ADGRL2: variants seen among roughly 807,000 people sequenced by gnomAD.
The protein encoded by ADGRL2 is calcium-independent alpha-latrotoxin receptor 2.
In ADGRL2, 44 loss-of-function variants were observed where a neutral mutation model predicts 157.4. The ratio of observed to expected loss-of-function variants is 0.28; its 90% CI spans 0.22 to 0.36. The LOEUF (loss-of-function observed/expected upper bound fraction) is 0.36. Ranked by LOEUF, ADGRL2 falls within the 10% of genes least tolerant of loss-of-function variation. The pLI, the probability that ADGRL2 is intolerant of heterozygous loss-of-function variation, is 1.00. For missense variants in ADGRL2, 1,510 were observed against 1,768.9 expected (o/e 0.85, Z 2.63); for synonymous variants, 585 against 624.7 (o/e 0.94, Z 0.95).
intron 3 of ADGRL2, among the ~76,000 whole-genome samples, chr1:81,640,044 T>C (rs1305180889): frequency 6.6e-6 from 1 of 152,200 alleles, no homozygotes; most frequent in Non-Finnish European, 1.5e-5. Context: ...AAGGAACATA[T>C]TTCAAACTCT....
intron 2 of ADGRL2, among the ~76,000 whole-genome samples, chr1:81,882,978 T>G (rs1486216737): frequency 6.6e-6 from 1 of 152,210 alleles, no homozygotes; most frequent in African/African-American, 2.4e-5. Flanking sequence ...GTAGCTATGT[T>G]TTATTGACAG....
At chr1:81,788,459 G>A (rs2087164986) in intron 2 of ADGRL2, among the ~76,000 whole-genome samples, 1 of 152,080 alleles carries the variant, frequency 6.6e-6, no homozygotes, top group Admixed American at 6.5e-5. Flanking sequence ...CACCATAATT[G>A]TAAGCTTCCT....
rs377666964 is a variant in ADGRL2, at chr1:81,969,296, G to A, written c.2642G>A (p.Ser881Asn). Residue 881 changes from serine to asparagine, a missense_variant, in exon 15 of 24, where the codon AGT becomes AAT. This residue lies in a region of ADGRL2 where 497 missense variants were observed against 627.2 expected (regional missense o/e 0.79). Coordinates refer to ENST00000686636, the MANE Select transcript of ADGRL2 (RefSeq NM_001366006.2). Reference protein sequence around the residue: ...FTFCFFRGLQSDRNTIHKNLC... With the variant: ...FTFCFFRGLQNDRNTIHKNLC... ...TTCTGCTTTTTCCGTGGCCTACAGAGTGACCGAAATACTATTCACAAGAAC... is the reference window on the plus strand; with the variant it reads ...TTCTGCTTTTTCCGTGGCCTACAGAATGACCGAAATACTATTCACAAGAAC... 5.0e-6 allele frequency: 8 copies of A among 1,613,858 alleles called. No homozygotes were observed. In the African/African-American group the frequency reaches 9.3e-5, roughly 19 times the overall value.
At chr1:81,311,972 G>T (rs950159789) in intron 1 of ADGRL2, among the ~76,000 whole-genome samples, 2 of 152,082 alleles carry the variant, frequency 1.3e-5, no homozygotes, top group Non-Finnish European at 1.5e-5. Context: ...TTCAGACTTT[G>T]GCATTTTTTA....
chr1:81,479,678 A>T (rs1311271783), intron 2 of ADGRL2, among the ~76,000 whole-genome samples: 1 of 152,164 alleles, frequency 6.6e-6, no homozygotes, highest in Admixed American at 6.5e-5. Context: ...AATGTTGATT[A>T]TTGCATCCTT....
chr1:81,720,871 A>G (rs1239801912), intron 1 of ADGRL2, among the ~76,000 whole-genome samples: 1 of 150,270 alleles, frequency 6.7e-6, no homozygotes, highest in African/African-American at 2.4e-5. Flanking sequence ...CTTATATATT[A>G]ACATATATTT....
intron 11 of ADGRL2, among the ~76,000 whole-genome samples, chr1:81,960,010 G>C (rs1654821919): frequency 6.6e-6 from 1 of 152,070 alleles, no homozygotes; most frequent in Non-Finnish European, 1.5e-5. Context: ...ATGTTGGTCA[G>C]GCTGGTCTCA....
chr1:81,789,670 G>A (rs2087232017), intron 2 of ADGRL2, among the ~76,000 whole-genome samples: 1 of 138,864 alleles, frequency 7.2e-6, no homozygotes, highest in Non-Finnish European at 1.5e-5. Flanking sequence ...AGGTTGCAGT[G>A]AGCGCCTGGT....
intron 1 of ADGRL2, among the ~76,000 whole-genome samples, chr1:81,326,209 TC>T (rs954436263): frequency 1.3e-5 from 2 of 152,214 alleles, no homozygotes; most frequent in Non-Finnish European, 2.9e-5. Context: ...TTCTCAGTCC[TC>T]TGGAAATAAA....
At chr1:81,624,347 G>A (rs911452912) in intron 3 of ADGRL2, among the ~76,000 whole-genome samples, 2 of 152,008 alleles carry the variant, frequency 1.3e-5, no homozygotes, top group Non-Finnish European at 2.9e-5. Context: ...TTGGGAGGCC[G>A]AGGCAGGCAG....
At chr1:81,443,914 T>C (rs6424756) in intron 1 of ADGRL2, among the ~76,000 whole-genome samples, 12,938 of 152,248 alleles carry the variant, frequency 0.085, 662 homozygotes, top group African/African-American at 0.15. Context: ...TTAATATACT[T>C]ATTTTGTTAG....
Position 81,808,366 on chromosome 1 carries a change from A to G in ADGRL2, c.-101+7298A>G, listed in dbSNP as rs539466577. Among the ~76,000 whole-genome samples, 6 of 152,144 alleles carry G rather than the reference A, an allele frequency of 3.9e-5. No individual in the cohort carries two copies. In the South Asian group the frequency reaches 1.2e-3, roughly 32 times the overall value. ...ACATTGCTTAATAATATCAAAAGTTACCATGTTCACAGTGTAAGGATATTG... is the reference window on the plus strand; with the variant it reads ...ACATTGCTTAATAATATCAAAAGTTGCCATGTTCACAGTGTAAGGATATTG... On this transcript the variant is annotated intron_variant, in intron 1 of 23. Coordinates refer to ENST00000686636, the MANE Select transcript of ADGRL2 (RefSeq NM_001366006.2).
chr1:81,842,964 T>C (rs371123522), intron 2 of ADGRL2, among the ~76,000 whole-genome samples: 2 of 152,104 alleles, frequency 1.3e-5, no homozygotes, highest in Admixed American at 6.5e-5. Flanking sequence ...AGGTAAATTT[T>C]TAGCAAGGTA....
At chr1:81,920,871 AAAC>A (rs959953921) in intron 3 of ADGRL2, among the ~76,000 whole-genome samples, 3 of 151,480 alleles carry the variant, frequency 2.0e-5, no homozygotes, top group African/African-American at 4.9e-5. Flanking sequence ...AGGAAAAAAA[AAAC>A]AAAAAAAAAG....
chr1:81,982,001 G>A (rs756247763), intron 19 of ADGRL2, 25 bp downstream of exon 19: 3 of 1,591,072 alleles, frequency 1.9e-6, no homozygotes, highest in African/African-American at 1.4e-5. Flanking sequence ...ACACCTAGGG[G>A]CTCAGGTTAC....
rs560435894 is a variant in ADGRL2, at chr1:81,552,038, A to C, written c.-247-28838A>C. 4.9e-4 allele frequency among the ~76,000 whole-genome samples: 75 copies of C among 152,094 alleles called. 1 individual carries two copies. The South Asian group carries it at 0.015, about 29-fold the overall frequency. Reference sequence around the variant, plus strand: ...GCCTATTTTATTTGAATCTGCCTTTATTTGGCCTGGGAAAAAATGTTTATG... The same window carrying C: ...GCCTATTTTATTTGAATCTGCCTTTCTTTGGCCTGGGAAAAAATGTTTATG... On this transcript the variant is annotated intron_variant, in intron 2 of 24. Transcript: ENST00000370721.
chr1:81,399,835 A>T (rs531662910), intron 1 of ADGRL2, among the ~76,000 whole-genome samples: 51 of 152,048 alleles, frequency 3.4e-4, no homozygotes, highest in Non-Finnish European at 6.0e-4. Context: ...TTTTGGTGGT[A>T]TTGTATTTCC....
intron 3 of ADGRL2, among the ~76,000 whole-genome samples, chr1:81,656,369 T>C (rs1285257967): frequency 2.6e-5 from 4 of 152,324 alleles, no homozygotes; most frequent in African/African-American, 9.6e-5. Flanking sequence ...TCATGAGTGA[T>C]AGAAGTAGAA....
Position 81,487,137 on chromosome 1 carries a change from G to A in ADGRL2, c.-248+42048G>A, listed in dbSNP as rs185465084. Among the ~76,000 whole-genome samples, 360 of 150,276 alleles carry A rather than the reference G, an allele frequency of 2.4e-3. 5 individuals are homozygous for A. Among genetic ancestry groups the A allele is most frequent in the African/African-American group, 8.3e-3 (340 of 40,976 alleles). On this transcript the variant is annotated intron_variant, in intron 2 of 24. Coordinates refer to the ADGRL2 transcript ENST00000370721. The stretch of plus-strand genomic sequence containing the variant: ...AAGTAAATCAGCCAGGTGTGGTGGT[G>A]CTCACCTGTGGTCCCACCTCCTTTG...
Sources: allele counts gnomAD v4.1 joint callset (sites outside exome capture counted in the v4.1 genomes callset), GRCh38; gene constraint gnomAD v4.1.1; regional missense constraint gnomAD v4.1.1; transcripts MANE v1.5; gene names NCBI Gene and HGNC (gene_info 2026-07-23, HGNC 2026-07-21).